PTPRK: variants seen among roughly 807,000 people sequenced by gnomAD.
PTPRK encodes the protein receptor-type tyrosine-protein phosphatase kappa.
In PTPRK, 75 loss-of-function variants were observed where a neutral mutation model predicts 178.0. The ratio of observed to expected loss-of-function variants is 0.42; its 90% CI spans 0.35 to 0.51. The LOEUF is 0.51. PTPRK is among the 20% of genes least tolerant of loss of function. The pLI, the probability that PTPRK is intolerant of heterozygous loss-of-function variation, is 0.02. For synonymous variants in PTPRK, 637 were observed against 620.6 expected (o/e 1.03, Z -0.39); for missense variants, 1,441 against 1,797.8 (o/e 0.80, Z 3.59).
chr6:128,375,064 T>C (rs927481061), intron 2 of PTPRK, among the ~76,000 whole-genome samples: 16 of 134,408 alleles, frequency 1.2e-4, no homozygotes, highest in Non-Finnish European at 1.9e-4. Flanking sequence ...ACTGCATTAT[T>C]ATTATTATTA....
chr6:128,365,985 T>G (rs959702618), intron 2 of PTPRK, among the ~76,000 whole-genome samples: 3 of 152,152 alleles, frequency 2.0e-5, no homozygotes, highest in African/African-American at 7.2e-5. Flanking sequence ...AGGTGACAAC[T>G]GAGCCAGATT....
chr6:128,030,167 AGTAAAT>A (rs1775071631), intron 13 of PTPRK, among the ~76,000 whole-genome samples: 2 of 152,148 alleles, frequency 1.3e-5, no homozygotes, highest in South Asian at 4.1e-4. Context: ...GGTTTGGCAA[AGTAAAT>A]GTTTTTCAGC....
Position 128,219,034 on chromosome 6 carries a change from G to A in PTPRK, c.756C>T (p.Ala252=), listed in dbSNP as rs113549765. The A allele has an allele frequency of 2.9e-5, 46 of 1,613,866 alleles. 1 individual carries two copies. The highest frequency in any genetic ancestry group is 1.9e-4 in the African/African-American group (14 of 75,024). The change falls in exon 6 of 30, where the codon GCC becomes GCT. Residue 252 remains alanine (A), a synonymous_variant. Transcript: ENST00000368226. ...TCACTTCTTGCAATCTGAAGGAAGCGGCAAACCTTCTATGATTGATGTTCT... is the reference window on the plus strand; with the variant it reads ...TCACTTCTTGCAATCTGAAGGAAGCAGCAAACCTTCTATGATTGATGTTCT... The part of the protein sequence containing the change: ...QTKNINHRRF[A]ASFRLQEVTK...
rs1280137662 is a variant in PTPRK, at chr6:128,122,529, C to T, written c.1163-32537G>A. On this transcript the variant is annotated intron_variant, in intron 7 of 29. Transcript: ENST00000368226. ...ACCTCTCTCTCTCATGACTTTAAACCTTAAAGTAGAATCCTCAGGTTCCAT... is the reference window on the plus strand; with the variant it reads ...ACCTCTCTCTCTCATGACTTTAAACTTTAAAGTAGAATCCTCAGGTTCCAT... 4.6e-5 allele frequency among the ~76,000 whole-genome samples: 7 copies of T among 152,042 alleles called. No individual in the cohort carries two copies. The East Asian group carries it at 1.3e-3, about 29-fold the overall frequency.
intron 3 of PTPRK, among the ~76,000 whole-genome samples, chr6:128,299,601 G>A (rs1338974024): frequency 5.9e-5 from 9 of 151,756 alleles, no homozygotes; most frequent in Non-Finnish European, 1.2e-4. Flanking sequence ...TGACAAACCT[G>A]AGAAAAACAA....
intron 14 of PTPRK, 149 bp downstream of exon 14, chr6:128,008,981 T>A: frequency 1.8e-6 from 1 of 548,194 alleles, no homozygotes; most frequent in Non-Finnish European, 2.9e-6. Context: ...AGAAAGCATG[T>A]CCAATAGACT....
At chr6:128,436,341 T>C (rs1362000341) in intron 1 of PTPRK, among the ~76,000 whole-genome samples, 1 of 152,192 alleles carries the variant, frequency 6.6e-6, no homozygotes, top group Non-Finnish European at 1.5e-5. Flanking sequence ...TTTCACCTAA[T>C]GGAGCTTAAA....
At chr6:128,377,087 G>T (rs1430133613) in intron 2 of PTPRK, among the ~76,000 whole-genome samples, 2 of 152,098 alleles carry the variant, frequency 1.3e-5, no homozygotes, top group Non-Finnish European at 2.9e-5. Context: ...CTGTTACCCA[G>T]TTCCAAATCA....
intron 1 of PTPRK, among the ~76,000 whole-genome samples, chr6:128,407,631 A>T (rs6938733): frequency 2.4e-5 from 3 of 127,496 alleles, no homozygotes; most frequent in Non-Finnish European, 4.8e-5. Flanking sequence ...GCAAGACCCT[A>T]TCAAAAAAAA....
At chr6:128,195,039 C>A (rs1047235371) in intron 6 of PTPRK, among the ~76,000 whole-genome samples, 4 of 150,450 alleles carry the variant, frequency 2.7e-5, no homozygotes. Flanking sequence ...CAGACACATA[C>A]ACATATGTAA....
At chr6:128,021,787 T>C (rs1773553514) in intron 13 of PTPRK, among the ~76,000 whole-genome samples, 1 of 152,238 alleles carries the variant, frequency 6.6e-6, no homozygotes, top group African/African-American at 2.4e-5. Context: ...GCTGGAGTTT[T>C]AGAAGGAGCA....
At chr6:128,129,049 G>A (rs1793813988) in intron 7 of PTPRK, among the ~76,000 whole-genome samples, 2 of 152,170 alleles carry the variant, frequency 1.3e-5, no homozygotes, top group Non-Finnish European at 2.9e-5. Context: ...TGCACATACT[G>A]CTTATGTGAA....
intron 7 of PTPRK, among the ~76,000 whole-genome samples, chr6:128,145,275 C>T (rs1021340507): frequency 4.0e-5 from 6 of 150,732 alleles, no homozygotes; most frequent in African/African-American, 1.2e-4. Flanking sequence ...CAGACACACA[C>T]GTAATAATAA....
chr6:128,496,349 A>G (rs1033723688), intron 1 of PTPRK, among the ~76,000 whole-genome samples: 3 of 152,226 alleles, frequency 2.0e-5, no homozygotes, highest in Admixed American at 6.5e-5. Context: ...CCAGTAGTAA[A>G]GTAGAGAATA....
intron 13 of PTPRK, among the ~76,000 whole-genome samples, chr6:128,032,131 T>C (rs993969963): frequency 3.3e-5 from 5 of 152,218 alleles, no homozygotes; most frequent in Admixed American, 1.3e-4. Context: ...CTATCTCTAA[T>C]GTCCAGCTTC....
At chr6:128,219,364 A>C (rs1440357321) in intron 5 of PTPRK, among the ~76,000 whole-genome samples, 1 of 152,202 alleles carries the variant, frequency 6.6e-6, no homozygotes, top group Non-Finnish European at 1.5e-5. Flanking sequence ...AAACTGTTCC[A>C]CCTCAAATCA....
chr6:128,119,551 C>CAGTTATTT (rs1453343675), intron 7 of PTPRK, among the ~76,000 whole-genome samples: 1 of 151,862 alleles, frequency 6.6e-6, no homozygotes, highest in East Asian at 1.9e-4. Context: ...CTGACTTTGC[C>CAGTTATTT]AGTTATTTCC....
rs34873441 is a variant in PTPRK at position 128,190,490 on chromosome 6, C to CTTTTTTTTTTTTT, written c.869-5778_869-5766dup. Among the ~76,000 whole-genome samples, 10 of 96,126 alleles carry CTTTTTTTTTTTTT rather than the reference C, an allele frequency of 1.0e-4. 2 individuals are homozygous for CTTTTTTTTTTTTT. Among genetic ancestry groups the CTTTTTTTTTTTTT allele is most frequent in the African/African-American group, 4.7e-4 (9 of 18,950 alleles). 63.1% of individuals were successfully genotyped at this position (96,126 alleles called of 152,430 possible). On this transcript the variant is annotated intron_variant, in intron 6 of 29. Coordinates refer to ENST00000368226, the MANE Select transcript of PTPRK (RefSeq NM_002844.4). Reference sequence around the variant, plus strand: ...ACCCATCAATTCAAGTGATAGATACCTTTTTTTTTTTTTTTTTTTTTTTTT... The same window carrying CTTTTTTTTTTTTT: ...ACCCATCAATTCAAGTGATAGATACCTTTTTTTTTTTTTTTTTTTTTTTTTTTTTTTTTTTTTT...
chr6:128,360,977 G>A (rs748959886), intron 2 of PTPRK, among the ~76,000 whole-genome samples: 1 of 152,136 alleles, frequency 6.6e-6, no homozygotes, highest in Non-Finnish European at 1.5e-5. Flanking sequence ...GTCTCCCTCT[G>A]TCCCATTATA....
Sources: gnomAD v4.1 joint callset for allele counts (sites outside exome capture counted in the v4.1 genomes callset) on GRCh38, gnomAD v4.1.1 for gene constraint, MANE v1.5 for transcripts, NCBI Gene and HGNC (gene_info 2026-07-23, HGNC 2026-07-21) for gene names.